Variants in UGT1A8 observed in about 807,000 individuals in gnomAD.
UGT1A8 encodes UDP glucuronosyltransferase family 1 member A8, also known as UDP-glucuronosyltransferase 1A8.
In UGT1A8, 39 loss-of-function variants were observed where a neutral mutation model predicts 45.3. The ratio of observed to expected loss-of-function variants is 0.86; its 90% CI spans 0.67 to 1.12. The LOEUF is 1.12. Ranked by LOEUF, UGT1A8 falls within the 50% of genes most tolerant of loss-of-function variation. The pLI, the probability that UGT1A8 is intolerant of heterozygous loss-of-function variation, is 0.00. For missense variants in UGT1A8, 719 were observed against 664.9 expected, an observed-to-expected ratio of 1.08 and a Z score of -0.90; for synonymous variants, 275 against 249.2, an observed-to-expected ratio of 1.10 and a Z score of -0.97.
At chr2:233,695,417 C>T (rs552700475) in intron 1 of UGT1A8, among the ~76,000 whole-genome samples, 1 of 142,156 alleles carries the variant, frequency 7.0e-6, no homozygotes, top group Admixed American at 6.8e-5. Flanking sequence ...AGCTACCGCG[C>T]CCGGCCTTCT....
chr2:233,699,694 T>A (rs1034858842), intron 1 of UGT1A8, among the ~76,000 whole-genome samples: 3 of 152,142 alleles, frequency 2.0e-5, no homozygotes, highest in Admixed American at 2.0e-4. Context: ...ATAAAAACAA[T>A]GAATGTGGTT....
intron 1 of UGT1A8, among the ~76,000 whole-genome samples, chr2:233,702,756 T>TA (rs2075705310): frequency 6.6e-6 from 1 of 152,230 alleles, no homozygotes; most frequent in South Asian, 2.1e-4. Flanking sequence ...ATTCTAGTGA[T>TA]ATGTGTTAAT....
intron 1 of UGT1A8, among the ~76,000 whole-genome samples, chr2:233,722,279 AT>A (rs1210405626): frequency 6.6e-6 from 1 of 152,090 alleles, no homozygotes; most frequent in Non-Finnish European, 1.5e-5. Flanking sequence ...TATTACATTG[AT>A]TTCCTTTGTT....
At chr2:233,760,776 C>T in intron 1 of UGT1A8, 1 of 1,613,940 alleles carries the variant, frequency 6.2e-7, no homozygotes, top group Non-Finnish European at 8.5e-7. Flanking sequence ...TGGCCCAGTA[C>T]CTGTCTCTGC....
intron 1 of UGT1A8, among the ~76,000 whole-genome samples, chr2:233,695,503 G>T (rs2075293003): frequency 6.6e-6 from 1 of 151,528 alleles, no homozygotes; most frequent in African/African-American, 2.4e-5. Context: ...AAAGTTTTTG[G>T]AGTATTACAA....
intron 1 of UGT1A8, among the ~76,000 whole-genome samples, chr2:233,703,143 G>A (rs151103120): frequency 1.9e-3 from 287 of 152,194 alleles, no homozygotes; most frequent in Non-Finnish European, 3.1e-3. Context: ...GCTTTATTTA[G>A]ATTTTGTATT....
chr2:233,767,807 T>C, intron 2 of UGT1A8, 42 bp from the exon 3 acceptor site: 1 of 1,614,158 alleles, frequency 6.2e-7, no homozygotes, highest in Non-Finnish European at 8.5e-7. Flanking sequence ...TCTAATCATA[T>C]TATGTTCTTT....
intron 4 of UGT1A8, chr2:233,771,117 G>A (rs1700240855): frequency 6.6e-6 from 1 of 152,076 alleles, no homozygotes; most frequent in Admixed American, 6.6e-5. Context: ...AAGCACAAGG[G>A]ATCCGACCCC....
chr2:233,758,177 A>G (rs1696814164), intron 1 of UGT1A8, among the ~76,000 whole-genome samples: 1 of 152,208 alleles, frequency 6.6e-6, no homozygotes, highest in African/African-American at 2.4e-5. Flanking sequence ...TTCAGAGCAG[A>G]TATTAATTGG....
intron 1 of UGT1A8, chr2:233,755,246 CAGCACCTCGTAGT>C (rs1394904352): frequency 2.4e-6 from 2 of 850,962 alleles, no homozygotes; most frequent in Non-Finnish European, 3.5e-6. Flanking sequence ...GGGGTACTCC[CAGCACCTCGTAGT>C]AGTCCACTAT....
At chr2:233,638,880 T>C (rs2073374340) in intron 1 of UGT1A8, among the ~76,000 whole-genome samples, 1 of 152,234 alleles carries the variant, frequency 6.6e-6, no homozygotes, top group Non-Finnish European at 1.5e-5. Context: ...TTTCAGCTCA[T>C]GGCAAGACCA....
chr2:233,746,472 A>G (rs1693402163), intron 1 of UGT1A8, among the ~76,000 whole-genome samples: 1 of 151,654 alleles, frequency 6.6e-6, no homozygotes, highest in Admixed American at 6.6e-5. Flanking sequence ...GGTTCCAGAA[A>G]CACTTTCCAT....
chr2:233,728,301 G>T (rs1339327162), intron 1 of UGT1A8, among the ~76,000 whole-genome samples: 6 of 152,216 alleles, frequency 3.9e-5, no homozygotes, highest in Non-Finnish European at 8.8e-5. Context: ...AATTCAGACT[G>T]TGCAAGATCT....
chr2:233,647,991 G>T, intron 1 of UGT1A8: 1 of 1,607,718 alleles, frequency 6.2e-7, no homozygotes, highest in Non-Finnish European at 8.5e-7. Flanking sequence ...TTCTCAGGGG[G>T]CATGAGGTGG....
chr2:233,651,363 G>A (rs762039668), intron 1 of UGT1A8, among the ~76,000 whole-genome samples: 1 of 152,008 alleles, frequency 6.6e-6, no homozygotes, highest in Non-Finnish European at 1.5e-5. Context: ...GTTAAGATAT[G>A]TATAAAATAG....
chr2:233,682,764 A>G lies in UGT1A8; in HGVS notation c.855+64202A>G, dbSNP rs765773267. 6 of 1,613,724 alleles carry G rather than the reference A, an allele frequency of 3.7e-6. No homozygotes were observed. The highest frequency in any genetic ancestry group is 1.7e-5 in the Admixed American group (1 of 60,014). ...AATATGATCTTCATTGGTGGTATCA[A>G]CTGTCATCAGGGAAAGCCAGTGCCT... On this transcript the variant is annotated intron_variant, in intron 1 of 4. Coordinates refer to ENST00000373450, the MANE Select transcript of UGT1A8 (RefSeq NM_019076.5).
chr2:233,655,763 C>G (rs928850406), intron 1 of UGT1A8, among the ~76,000 whole-genome samples: 10 of 152,138 alleles, frequency 6.6e-5, no homozygotes, highest in African/African-American at 2.4e-4. Flanking sequence ...AGAGCCCCAT[C>G]CCTGCAAGAG....
At chr2:233,722,224 A>G (rs2077000987) in intron 1 of UGT1A8, among the ~76,000 whole-genome samples, 1 of 152,140 alleles carries the variant, frequency 6.6e-6, no homozygotes, top group Non-Finnish European at 1.5e-5. Context: ...TTACACCAAA[A>G]TCTTTATCAT....
intron 1 of UGT1A8, chr2:233,717,721 G>A: frequency 2.2e-6 from 1 of 454,902 alleles, no homozygotes; most frequent in South Asian, 1.6e-5. Context: ...TCATGGGCAT[G>A]AGACCATTGT....
Sources: gnomAD v4.1 joint callset for allele counts (sites outside exome capture counted in the v4.1 genomes callset) on GRCh38, gnomAD v4.1.1 for gene constraint, MANE v1.5 for transcripts, NCBI Gene and HGNC (gene_info 2026-07-23, HGNC 2026-07-21) for gene names.